NMNAT2: variants seen among roughly 807,000 people sequenced by gnomAD.
NMNAT2 encodes the protein nicotinamide nucleotide adenylyltransferase 2, also known as nicotinamide/nicotinic acid mononucleotide adenylyltransferase 2.
Under a neutral mutation model 41.6 loss-of-function variants are expected in NMNAT2, and 11 were observed. The ratio of observed to expected loss-of-function variants is 0.26; its 90% CI spans 0.17 to 0.44. The LOEUF (loss-of-function observed/expected upper bound fraction) is 0.44. NMNAT2 is among the 20% of genes least tolerant of loss of function. NMNAT2 has a pLI of 1.00. For synonymous variants in NMNAT2, 148 were observed against 151.2 expected (o/e 0.98, Z 0.16); for missense variants, 288 against 407.7 (o/e 0.71, Z 2.53).
chr1:183,344,979 A>C (rs1662895749), intron 1 of NMNAT2, among the ~76,000 whole-genome samples: 1 of 152,066 alleles, frequency 6.6e-6, no homozygotes, highest in South Asian at 2.1e-4. Flanking sequence ...CACAGCGGGG[A>C]GAAGGATTGT....
intron 1 of NMNAT2, among the ~76,000 whole-genome samples, chr1:183,328,874 G>A (rs183499991): frequency 4.6e-5 from 7 of 152,212 alleles, no homozygotes; most frequent in Admixed American, 3.3e-4. Flanking sequence ...TCCTTCCCCC[G>A]GTATTTGGAT....
intron 1 of NMNAT2, among the ~76,000 whole-genome samples, chr1:183,360,255 G>A (rs1663277997): frequency 6.6e-6 from 1 of 152,060 alleles, no homozygotes; most frequent in Non-Finnish European, 1.5e-5. Flanking sequence ...AGATGAGGAA[G>A]CCAGATTTCA....
chr1:183,250,807 A>G lies in NMNAT2; in HGVS notation c.*1834T>C, dbSNP rs112615469. ...CAGACTTTCTGGATGCTGCTCTACC[A>G]TGTTCTTCTGTTAAATCAAGTTCCT... On this transcript the variant is annotated 3_prime_UTR_variant, in exon 11 of 11. Transcript: ENST00000287713. The G allele has an allele frequency of 6.6e-6, 1 of 152,656 alleles. No individual in the cohort carries two copies. The allele number at this position is 152,656 out of a possible 1,614,324, so 9.5% of individuals were successfully genotyped here. A position where few individuals can be genotyped will look rare whatever the true frequency, so the allele number is the denominator to read the frequency against.
chr1:183,345,741 C>T (rs903441000), intron 1 of NMNAT2, among the ~76,000 whole-genome samples: 13 of 150,638 alleles, frequency 8.6e-5, no homozygotes, highest in African/African-American at 3.2e-4. Context: ...GGCTGGAGCG[C>T]AGTGGCGCGA....
At chr1:183,302,364 C>T (rs1201717373) in intron 1 of NMNAT2, among the ~76,000 whole-genome samples, 1 of 152,152 alleles carries the variant, frequency 6.6e-6, no homozygotes, top group East Asian at 1.9e-4. Context: ...GGAGTCATCC[C>T]ACTGGGACGG....
intron 1 of NMNAT2, among the ~76,000 whole-genome samples, chr1:183,415,156 A>AT (rs1172836459): frequency 6.6e-6 from 1 of 151,986 alleles, no homozygotes; most frequent in Non-Finnish European, 1.5e-5. Flanking sequence ...TAATTTTTAT[A>AT]TTTTTTGTAG....
chr1:183,304,433 C>A (rs1661946541), intron 1 of NMNAT2, among the ~76,000 whole-genome samples: 1 of 152,164 alleles, frequency 6.6e-6, no homozygotes, highest in Admixed American at 6.5e-5. Flanking sequence ...ATAGGTTACC[C>A]ACATTTGGTA....
At chr1:183,365,367 A>G (rs1230941984) in intron 1 of NMNAT2, among the ~76,000 whole-genome samples, 2 of 152,162 alleles carry the variant, frequency 1.3e-5, no homozygotes. Flanking sequence ...TCCATGCAGC[A>G]TCATTTTTCT....
At chr1:183,308,314 T>C (rs932671868) in intron 1 of NMNAT2, among the ~76,000 whole-genome samples, 1 of 152,152 alleles carries the variant, frequency 6.6e-6, no homozygotes, top group Non-Finnish European at 1.5e-5. Context: ...TTAGTGCCCG[T>C]GAGGATGGGG....
chr1:183,325,795 A>G (rs1662450232), intron 1 of NMNAT2, among the ~76,000 whole-genome samples: 1 of 152,184 alleles, frequency 6.6e-6, no homozygotes, highest in South Asian at 2.1e-4. Context: ...GGTCAAACCT[A>G]TTGCCCAGTA....
chr1:183,397,945 A>G (rs1261246100), intron 1 of NMNAT2, among the ~76,000 whole-genome samples: 1 of 152,236 alleles, frequency 6.6e-6, no homozygotes, highest in African/African-American at 2.4e-5. Context: ...GATACCAGCC[A>G]CTGCAAAAAT....
chr1:183,328,927 G>C (rs1470248834), intron 1 of NMNAT2, among the ~76,000 whole-genome samples: 1 of 152,152 alleles, frequency 6.6e-6, no homozygotes, highest in Non-Finnish European at 1.5e-5. Flanking sequence ...AGAGAGATTT[G>C]GTCCTTCTGT....
intron 1 of NMNAT2, among the ~76,000 whole-genome samples, chr1:183,296,099 C>T (rs1292189551): frequency 2.0e-5 from 3 of 152,168 alleles, no homozygotes; most frequent in African/African-American, 4.8e-5. Context: ...ATCCGCCTGC[C>T]ACGGCCTCCC....
At chr1:183,340,947 C>T (rs1442743433) in intron 1 of NMNAT2, among the ~76,000 whole-genome samples, 4 of 152,190 alleles carry the variant, frequency 2.6e-5, no homozygotes, top group Non-Finnish European at 5.9e-5. Context: ...ACAAAGGCTC[C>T]ACATGCATTA....
intron 1 of NMNAT2, among the ~76,000 whole-genome samples, chr1:183,305,158 T>C (rs1661966895): frequency 6.6e-6 from 1 of 151,864 alleles, no homozygotes; most frequent in African/African-American, 2.4e-5. Context: ...TAAATATATA[T>C]GTAAAAATAT....
rs1259557050 is a variant in NMNAT2 at position 183,259,895 on chromosome 1, G to A, written c.821+1107C>T. ...ATTACAGGTGTGAGCCACTGCGCCCGGCCTGTCCACACCTAGAATTTTAAC... is the reference window on the plus strand; with the variant it reads ...ATTACAGGTGTGAGCCACTGCGCCCAGCCTGTCCACACCTAGAATTTTAAC... On this transcript the variant is annotated intron_variant, in intron 10 of 10. Coordinates refer to ENST00000287713, the MANE Select transcript of NMNAT2 (RefSeq NM_015039.4). 3.3e-5 allele frequency among the ~76,000 whole-genome samples: 5 copies of A among 152,214 alleles called. No homozygotes were observed. In the East Asian group the frequency reaches 5.8e-4, roughly 18 times the overall value.
In NMNAT2 at chr1:183,250,861, GT is replaced by G. The variant is rs1660356244; in HGVS notation, c.*1779del. 1 of 152,630 alleles carries G rather than the reference GT, an allele frequency of 6.6e-6. No individual in the cohort carries two copies. Among genetic ancestry groups the G allele is most frequent in the Admixed American group, 6.5e-5 (1 of 15,286 alleles). 9.5% of individuals were successfully genotyped at this position (152,630 alleles called of 1,614,324 possible). A position where few individuals can be genotyped will look rare whatever the true frequency, so the allele number is the denominator to read the frequency against. Reference sequence around the variant, plus strand: ...CCCGCAATTGAAGGATGTTGCAGATGTGAAACGTGTGGTAAAGAACATTGTC... The same window carrying G: ...CCCGCAATTGAAGGATGTTGCAGATGGAAACGTGTGGTAAAGAACATTGTC... On this transcript the variant is annotated 3_prime_UTR_variant, in exon 11 of 11. Transcript: ENST00000287713.
At chr1:183,306,323 C>T (rs1661992335) in intron 1 of NMNAT2, among the ~76,000 whole-genome samples, 1 of 152,082 alleles carries the variant, frequency 6.6e-6, no homozygotes, top group African/African-American at 2.4e-5. Flanking sequence ...CTAGAAAAGG[C>T]AAAAGAATGG....
chr1:183,336,805 C>T lies in NMNAT2; in HGVS notation c.86-43012G>A, dbSNP rs752735344. Among the ~76,000 whole-genome samples the T allele has an allele frequency of 4.7e-4, 71 of 152,208 alleles. No homozygotes were observed. In the Middle Eastern group the frequency reaches 0.031, roughly 66 times the overall value. ...ACAATAGCTACAAACCAGAAACAAC[C>T]CAAATGTTCATCAATAGGAAATTGG... On this transcript the variant is annotated intron_variant, in intron 1 of 10. Transcript: ENST00000287713.
Sources: gnomAD v4.1 joint callset for allele counts (sites outside exome capture counted in the v4.1 genomes callset) on GRCh38, gnomAD v4.1.1 for gene constraint, MANE v1.5 for transcripts, NCBI Gene and HGNC (gene_info 2026-07-23, HGNC 2026-07-21) for gene names.